MID2: variants seen among roughly 807,000 people sequenced by gnomAD.
MID2 encodes midline 2.
In MID2, 13 loss-of-function variants were observed where a neutral mutation model predicts 46.1. The observed-to-expected ratio is 0.28, with a 90% confidence interval of 0.18 to 0.45. The LOEUF (loss-of-function observed/expected upper bound fraction) is 0.45, where lower values mean the gene tolerates loss of function less well. Among genes scored for constraint, MID2 ranks in the 20% least tolerant of loss-of-function variants. The probability of loss-of-function intolerance (pLI) is 1.00; values close to 1 mark genes in which losing one functional copy is unlikely to be tolerated. For synonymous variants in MID2, 199 were observed against 212.3 expected (o/e 0.94, Z 0.55); for missense variants, 431 against 575.4 (o/e 0.75, Z 2.57).
chrX:107,884,416 T>C (rs1932400061), intron 3 of MID2, among the ~76,000 whole-genome samples: 1 of 112,265 alleles, frequency 8.9e-6, no homozygotes, highest in South Asian at 3.7e-4. Flanking sequence ...TCATAACCAC[T>C]TGTGAGGTAG....
rs376366895 is a variant in MID2 at position 107,897,915 on chromosome X, C to T, written c.817-6043C>T. On this transcript the variant is annotated intron_variant, in intron 3 of 9. Transcript: ENST00000262843. ...TCATAATAATTTCTTGATAATTCAT[C>T]AGATGTCCAATTTACCTCTCACTTT... 4.5e-5 allele frequency among the ~76,000 whole-genome samples: 5 copies of T among 112,205 alleles called. No homozygotes were observed. The East Asian group carries it at 8.4e-4, about 19-fold the overall frequency.
At chrX:107,832,476 T>C (rs892557619) in intron 1 of MID2, among the ~76,000 whole-genome samples, 1 of 112,035 alleles carries the variant, frequency 8.9e-6, no homozygotes, top group African/African-American at 3.2e-5. Flanking sequence ...ATGATGAGAA[T>C]ACCTGTATTT....
At chrX:107,870,246 A>G in intron 3 of MID2, among the ~76,000 whole-genome samples, 1 of 110,654 alleles carries the variant, frequency 9.0e-6, no homozygotes, top group Non-Finnish European at 1.9e-5. Flanking sequence ...ATTTTTCTCT[A>G]TATATTCAGA....
chrX:107,895,789 G>A (rs759965189), intron 3 of MID2: 1 of 112,173 alleles, frequency 8.9e-6, no homozygotes, highest in Non-Finnish European at 1.9e-5. Context: ...CACTGGATAG[G>A]ACTCAGAAGA....
In MID2 at chrX:107,897,090, T is replaced by C. The variant is rs747548091; in HGVS notation, c.817-6868T>C. Among the ~76,000 whole-genome samples the C allele has an allele frequency of 9.8e-5, 11 of 111,934 alleles. No homozygotes were observed. The East Asian group carries it at 2.5e-3, about 26-fold the overall frequency. Reference sequence around the variant, plus strand: ...GTTAGCACTATAAAAGTATTAACTCTTATGTACTCCTCCCACAAGCAGATA... The same window carrying C: ...GTTAGCACTATAAAAGTATTAACTCCTATGTACTCCTCCCACAAGCAGATA... On this transcript the variant is annotated intron_variant, in intron 3 of 9. Transcript: ENST00000262843.
rs188062301 is a variant in MID2, at chrX:107,875,811, C to T, written c.816+21107C>T. On this transcript the variant is annotated intron_variant, in intron 3 of 9. Transcript: ENST00000262843. ...TTGTGCTAAGAGAAGAGAAGGGGCC[C>T]GGATTGGAGAGGAGAGCTGAGAGAC... Among the ~76,000 whole-genome samples the T allele has an allele frequency of 2.8e-4, 31 of 111,841 alleles. No individual in the cohort carries two copies. The East Asian group carries it at 6.2e-3, about 22-fold the overall frequency.
chrX:107,886,293 T>C (rs1430594657), intron 3 of MID2, among the ~76,000 whole-genome samples: 1 of 112,201 alleles, frequency 8.9e-6, no homozygotes, highest in Non-Finnish European at 1.9e-5. Context: ...TTGAATTAAT[T>C]TTTGTATAAG....
intron 3 of MID2, among the ~76,000 whole-genome samples, chrX:107,866,988 G>A (rs967699592): frequency 1.8e-5 from 2 of 111,990 alleles, no homozygotes; most frequent in African/African-American, 3.3e-5. Flanking sequence ...TTATCCAAGG[G>A]GAGTGTAGAA....
chrX:107,921,334 G>C (rs980196973), intron 7 of MID2, among the ~76,000 whole-genome samples: 3 of 111,308 alleles, frequency 2.7e-5, no homozygotes, highest in African/African-American at 9.8e-5. Flanking sequence ...GGAGACACAT[G>C]ATGTCCACTT....
At chrX:107,925,022 C>T (rs775912951) in intron 8 of MID2, among the ~76,000 whole-genome samples, 2 of 112,673 alleles carry the variant, frequency 1.8e-5, no homozygotes, top group African/African-American at 3.2e-5. Context: ...GATGCAGGCT[C>T]CTTCTCCCTG....
At position 107,930,964 on chromosome X, in the gene MID2, T is replaced by C. The variant is rs927951597; in HGVS notation, c.*3891T>C. ...TTTGAGAGTATGAAAGAAATTTTAA[T>C]GCCACATTGAGGTTCTGGCTACTTG... On this transcript the variant is annotated 3_prime_UTR_variant, in exon 10 of 10. Coordinates refer to ENST00000262843, the MANE Select transcript of MID2 (RefSeq NM_012216.4). Among the ~76,000 whole-genome samples, 1 of 112,642 alleles carries C rather than the reference T, an allele frequency of 8.9e-6. No individual in the cohort carries two copies. The highest frequency in any genetic ancestry group is 3.2e-5 in the African/African-American group (1 of 31,056).
chrX:107,904,079 C>G lies in MID2; in HGVS notation c.924+14C>G, dbSNP rs1932816312. ...AAAGAGACAAAGGTAAAGCGCAGCACTTCAGTGAATCCAAGGAAGGGTTGA... is the reference window on the plus strand; with the variant it reads ...AAAGAGACAAAGGTAAAGCGCAGCAGTTCAGTGAATCCAAGGAAGGGTTGA... On this transcript the variant is annotated intron_variant, in intron 4 of 9. Transcript: ENST00000262843. 1 of 1,060,351 alleles carries G rather than the reference C, an allele frequency of 9.4e-7. No homozygotes were observed. The highest frequency in any genetic ancestry group is 2.2e-5 in the Admixed American group (1 of 45,408). 87.4% of individuals were successfully genotyped at this position (1,060,351 alleles called of 1,213,427 possible).
At chrX:107,843,580 A>G (rs1931394585) in intron 2 of MID2, among the ~76,000 whole-genome samples, 1 of 111,602 alleles carries the variant, frequency 9.0e-6, no homozygotes, top group African/African-American at 3.3e-5. Flanking sequence ...GGAGAGTGGA[A>G]AATGAATCAT....
chrX:107,886,394 G>A lies in MID2; in HGVS notation c.817-17564G>A, dbSNP rs192899729. Among the ~76,000 whole-genome samples the A allele has an allele frequency of 4.5e-5, 5 of 110,128 alleles. No individual in the cohort carries two copies. The Admixed American group carries it at 4.8e-4, about 11-fold the overall frequency. On this transcript the variant is annotated intron_variant, in intron 3 of 9. Transcript: ENST00000262843. ...TTAAATAGGGAATCCTTTCCCCATT[G>A]CTTGTTTTTGTCAGGTTTGTCAAAG... is the stretch of plus-strand genomic sequence containing the variant.
At chrX:107,855,805 A>G (rs768988049) in intron 3 of MID2, among the ~76,000 whole-genome samples, 7 of 112,016 alleles carry the variant, frequency 6.2e-5, no homozygotes, top group Admixed American at 9.5e-5. Context: ...TGAGCATACC[A>G]TAGAAATTTA....
chrX:107,874,798 G>A (rs989488553), intron 3 of MID2, among the ~76,000 whole-genome samples: 5 of 111,476 alleles, frequency 4.5e-5, no homozygotes, highest in Admixed American at 2.9e-4. Flanking sequence ...GAGGGTTTTG[G>A]GGAGGGGAAA....
At chrX:107,830,926 TTC>T (rs1294983868) in intron 1 of MID2, among the ~76,000 whole-genome samples, 2 of 111,880 alleles carry the variant, frequency 1.8e-5, no homozygotes, top group Non-Finnish European at 3.8e-5. Context: ...TTCTATTTGT[TTC>T]TCTCTTTCTG....
Position 107,926,949 on chromosome X carries a change from A to G in MID2, c.2084A>G (p.Asn695Ser). The G allele has an allele frequency of 8.3e-7, 1 of 1,211,516 alleles. No individual in the cohort carries two copies. The highest frequency in any genetic ancestry group is 1.1e-6 in the Non-Finnish European group (1 of 895,213). The change falls in exon 10 of 10, where the codon AAC (asparagine) becomes AGC (serine). Residue 695 changes from asparagine to serine, a missense_variant. Asn to Ser is a conservative substitution (Grantham distance 46). Transcript: ENST00000262843. Reference protein sequence around the residue: ...LPVCPTFTIWNKSLMILSGLP... With the variant: ...LPVCPTFTIWSKSLMILSGLP... ...GTTTGTCCAACATTTACAATCTGGA[A>G]CAAATCCCTAATGATCCTGTCTGGC...
intron 7 of MID2, among the ~76,000 whole-genome samples, chrX:107,922,930 T>C (rs928163351): frequency 1.4e-4 from 16 of 111,962 alleles, no homozygotes; most frequent in African/African-American, 3.2e-5. Context: ...AGCTTGTGAT[T>C]CATACTGTGT....
Sources: allele counts gnomAD v4.1 joint callset (sites outside exome capture counted in the v4.1 genomes callset), GRCh38; gene constraint gnomAD v4.1.1; transcripts MANE v1.5; gene names NCBI Gene and HGNC (gene_info 2026-07-23, HGNC 2026-07-21).